The following AOPEP variants were observed in gnomAD, a reference collection of about 807,000 sequenced individuals.
AOPEP encodes aminopeptidase O.
AOPEP carries 77 observed loss-of-function variants against 98.1 expected under a neutral mutation model. The observed-to-expected ratio is 0.78, with a 90% CI of 0.65 to 0.95. The LOEUF (loss-of-function observed/expected upper bound fraction) is 0.95. Ranked by LOEUF, AOPEP falls within the 40% of genes least tolerant of loss-of-function variation. The pLI, the probability that AOPEP is intolerant of heterozygous loss-of-function variation, is 0.00. For missense variants in AOPEP, 1,024 were observed against 1,024.7 expected, an observed-to-expected ratio of 1.00 and a Z score of 0.01; for synonymous variants, 346 against 365.3, an observed-to-expected ratio of 0.95 and a Z score of 0.60.
At chr9:95,129,070 T>G in the AOPEP span, among the ~76,000 whole-genome samples, 2 of 152,044 alleles carry the variant, frequency 1.3e-5, no homozygotes, top group African/African-American at 4.8e-5. Context: ...ACCTGGCTAA[T>G]TTTTGTATTT....
intron 1 of AOPEP, among the ~76,000 whole-genome samples, chr9:94,755,420 CA>C (rs1564072710): frequency 6.6e-6 from 1 of 152,124 alleles, no homozygotes; most frequent in Admixed American, 6.6e-5. Flanking sequence ...TACGTACTTG[CA>C]GAGAGAAAGA....
chr9:95,055,348 T>A (rs2066733220), intron 13 of AOPEP, among the ~76,000 whole-genome samples: 1 of 152,218 alleles, frequency 6.6e-6, no homozygotes. Flanking sequence ...TTTCTGTTTC[T>A]TTTTGGATTA....
At chr9:95,106,173 G>A in the AOPEP span, among the ~76,000 whole-genome samples, 449 of 152,230 alleles carry the variant, frequency 2.9e-3, 1 homozygote, top group Middle Eastern at 0.02. Flanking sequence ...GCTGTGCAGT[G>A]CATCTCGCTG....
At chr9:94,931,993 T>C in intron 7 of AOPEP, 1 of 1,192,080 alleles carries the variant, frequency 8.4e-7, no homozygotes, top group Non-Finnish European at 1.1e-6. Flanking sequence ...GAACCAAGGC[T>C]CAGAAAGACT....
chr9:94,963,179 C>T (rs1589098858), intron 9 of AOPEP, among the ~76,000 whole-genome samples: 1 of 152,112 alleles, frequency 6.6e-6, no homozygotes, highest in Non-Finnish European at 1.5e-5. Context: ...TTTGCCTCTA[C>T]TACCTCCCAC....
chr9:94,955,394 T>G, intron 8 of AOPEP, 115 bp downstream of exon 8: 1 of 655,732 alleles, frequency 1.5e-6, no homozygotes, highest in Non-Finnish European at 2.6e-6. Context: ...TAATGATATC[T>G]GACTGGCCAG....
chr9:94,842,207 C>A (rs896037744), intron 5 of AOPEP, among the ~76,000 whole-genome samples: 1 of 151,878 alleles, frequency 6.6e-6, no homozygotes, highest in African/African-American at 2.4e-5. Flanking sequence ...ACTAAAAATA[C>A]AAAAATTAGC....
At position 95,087,094 on chromosome 9, in the gene AOPEP, A is replaced by G. The variant is rs2070768538; in HGVS notation, c.*417A>G. 1.4e-5 allele frequency: 3 copies of G among 215,632 alleles called. No individual in the cohort carries two copies. Among genetic ancestry groups the G allele is most frequent in the Non-Finnish European group, 2.4e-5 (3 of 126,096 alleles). 13.4% of individuals were successfully genotyped at this position (215,632 alleles called of 1,614,324 possible). On this transcript the variant is annotated 3_prime_UTR_variant, in exon 17 of 17. Coordinates refer to ENST00000375315, the MANE Select transcript of AOPEP (RefSeq NM_001193329.3). The stretch of plus-strand genomic sequence containing the variant: ...CCTCTGTATGAGACCAGTGGGCGCC[A>G]TTTAAAAGAACAGGATGAGAATCTA...
chr9:94,879,724 G>A (rs1459284630), intron 5 of AOPEP, among the ~76,000 whole-genome samples: 4 of 152,200 alleles, frequency 2.6e-5, no homozygotes, highest in Non-Finnish European at 1.5e-5. Context: ...TGTTCAAATG[G>A]TCCATCAGAT....
chr9:94,902,161 A>G (rs1467599593), intron 5 of AOPEP, among the ~76,000 whole-genome samples: 2 of 152,206 alleles, frequency 1.3e-5, no homozygotes, highest in African/African-American at 4.8e-5. Context: ...AGCAGGGAGG[A>G]AAAACACGGT....
the AOPEP span, among the ~76,000 whole-genome samples, chr9:95,129,450 T>C: frequency 2.6e-5 from 4 of 152,240 alleles, no homozygotes; most frequent in African/African-American, 7.2e-5. Flanking sequence ...AGCATCTTCA[T>C]GAGTGATGAC....
At chr9:94,871,929 C>G (rs894751850) in intron 5 of AOPEP, among the ~76,000 whole-genome samples, 1 of 152,056 alleles carries the variant, frequency 6.6e-6, no homozygotes, top group Non-Finnish European at 1.5e-5. Flanking sequence ...ATCATCTGAG[C>G]TTGGGGAGGT....
At chr9:95,101,233 C>A in the AOPEP span, 1 of 279,954 alleles carries the variant, frequency 3.6e-6, no homozygotes, top group Non-Finnish European at 6.9e-6. Flanking sequence ...TTTCTCCATA[C>A]AGCAAGACAG....
chr9:94,990,542 C>A (rs1035484910), intron 11 of AOPEP, among the ~76,000 whole-genome samples: 1 of 151,960 alleles, frequency 6.6e-6, no homozygotes, highest in Non-Finnish European at 1.5e-5. Flanking sequence ...GAAAAACTGC[C>A]CCCATTTTCT....
chr9:94,988,636 A>G (rs72750363), intron 11 of AOPEP, among the ~76,000 whole-genome samples: 7,127 of 152,202 alleles, frequency 0.047, 466 homozygotes, highest in African/African-American at 0.14. Flanking sequence ...GCTAATGGAG[A>G]CAGTTGGTAG....
chr9:95,129,986 C>G, the AOPEP span, among the ~76,000 whole-genome samples: 1 of 152,156 alleles, frequency 6.6e-6, no homozygotes, highest in Non-Finnish European at 1.5e-5. Flanking sequence ...GAAAGCCCAT[C>G]TTCATCCCTC....
At chr9:94,775,712 C>T (rs1343566635) in intron 3 of AOPEP, among the ~76,000 whole-genome samples, 11 of 152,178 alleles carry the variant, frequency 7.2e-5, no homozygotes, top group Non-Finnish European at 1.3e-4. Context: ...CAGTGGCTCA[C>T]GCCTGTAATC....
At chr9:95,102,692 A>G in the AOPEP span, among the ~76,000 whole-genome samples, 2 of 152,292 alleles carry the variant, frequency 1.3e-5, no homozygotes, top group Admixed American at 1.3e-4. Flanking sequence ...TCCCAGGACT[A>G]TTCTGGTTTT....
intron 14 of AOPEP, 84 bp downstream of exon 14, chr9:95,060,894 T>G: frequency 1.2e-6 from 1 of 857,588 alleles, no homozygotes; most frequent in Non-Finnish European, 2.0e-6. Context: ...CCCAAACTAT[T>G]GAAACCACCA....
Sources: gnomAD v4.1 joint callset for allele counts (sites outside exome capture counted in the v4.1 genomes callset) on GRCh38, gnomAD v4.1.1 for gene constraint, MANE v1.5 for transcripts, NCBI Gene and HGNC (gene_info 2026-07-23, HGNC 2026-07-21) for gene names.